The following KIF11 variants were observed in gnomAD, a reference collection of about 807,000 sequenced individuals.
The protein encoded by KIF11 is kinesin-like protein KIF11.
A neutral mutation model predicts 121.0 loss-of-function variants in KIF11; 9 were observed. The observed-to-expected ratio is 0.07, with a 90% CI of 0.04 to 0.13. The LOEUF is 0.13. Among genes scored for constraint, KIF11 ranks in the 10% least tolerant of loss-of-function variants. KIF11 has a pLI of 1.00. For synonymous variants in KIF11, 408 were observed against 421.0 expected (o/e 0.97, Z 0.38); for missense variants, 846 against 1,217.5 (o/e 0.69, Z 4.54).
intron 16 of KIF11, among the ~76,000 whole-genome samples, chr10:92,638,419 A>C (rs55729735): frequency 6.6e-6 from 1 of 152,188 alleles, no homozygotes; most frequent in Admixed American, 6.5e-5. Context: ...TTGGCAACTT[A>C]AAACTGCAGC....
rs199882892 is a variant in KIF11, at chr10:92,645,664, C to A, written c.2547+22C>A. ...GGAGGTAATAACTTTGTAAGTGGAA[C>A]TTACTTTGGGGAGAATAATAATCAG... On this transcript the variant is annotated intron_variant, in intron 18 of 21. Coordinates refer to ENST00000260731, the MANE Select transcript of KIF11 (RefSeq NM_004523.4). 4 of 1,521,460 alleles carry A rather than the reference C, an allele frequency of 2.6e-6. No individual in the cohort carries two copies. The African/African-American group carries it at 5.6e-5, about 21-fold the overall frequency. The allele number at this position is 1,521,460 out of a possible 1,614,324, so 94.2% of individuals were successfully genotyped here.
intron 21 of KIF11, among the ~76,000 whole-genome samples, chr10:92,651,227 T>C (rs1031036800): frequency 4.0e-5 from 6 of 151,612 alleles, no homozygotes; most frequent in Non-Finnish European, 5.9e-5. Flanking sequence ...AGGGTTTCAC[T>C]ATGTGGGCCA....
chr10:92,635,130 C>T (rs1045127875), intron 14 of KIF11, among the ~76,000 whole-genome samples: 12 of 152,028 alleles, frequency 7.9e-5, no homozygotes, highest in African/African-American at 2.9e-4. Context: ...GAGTCTTTGC[C>T]TCCCTTTTTC....
At chr10:92,651,102 C>T (rs1205683064) in intron 21 of KIF11, among the ~76,000 whole-genome samples, 1 of 151,970 alleles carries the variant, frequency 6.6e-6, no homozygotes, top group Non-Finnish European at 1.5e-5. Context: ...TCTTGGCTCA[C>T]TTAACCTCCG....
intron 9 of KIF11, among the ~76,000 whole-genome samples, chr10:92,620,424 A>G (rs986875433): frequency 1.3e-5 from 2 of 152,042 alleles, no homozygotes; most frequent in African/African-American, 2.4e-5. Context: ...TGCTTGATTA[A>G]TTTCCTTTAT....
chr10:92,599,213 A>T (rs936117078), intron 1 of KIF11, among the ~76,000 whole-genome samples: 10 of 151,770 alleles, frequency 6.6e-5, no homozygotes, highest in African/African-American at 2.4e-4. Flanking sequence ...GTTCATTCTT[A>T]GTGTATAAAA....
At chr10:92,611,502 C>T (rs1020974034) in intron 6 of KIF11, among the ~76,000 whole-genome samples, 21 of 152,094 alleles carry the variant, frequency 1.4e-4, no homozygotes, top group South Asian at 4.2e-4. Context: ...GCACCATGCC[C>T]GGTGGAGATG....
intron 10 of KIF11, among the ~76,000 whole-genome samples, chr10:92,624,419 A>G (rs954101172): frequency 1.3e-5 from 2 of 150,154 alleles, no homozygotes; most frequent in African/African-American, 4.9e-5. Context: ...TTAAGTAGAG[A>G]TGGGGTTTCA....
intron 10 of KIF11, among the ~76,000 whole-genome samples, chr10:92,626,347 G>A (rs950555516): frequency 6.6e-6 from 1 of 152,176 alleles, no homozygotes; most frequent in African/African-American, 2.4e-5. Context: ...TGGGATAACT[G>A]CCTATCCATG....
chr10:92,647,284 A>G (rs2135924305), intron 18 of KIF11, among the ~76,000 whole-genome samples: 1 of 152,158 alleles, frequency 6.6e-6, no homozygotes, highest in African/African-American at 2.4e-5. Flanking sequence ...GGGAAAAAAT[A>G]TGAGAAACAA....
intron 1 of KIF11, among the ~76,000 whole-genome samples, chr10:92,602,912 A>G (rs1249960047): frequency 1.3e-5 from 2 of 148,792 alleles, no homozygotes; most frequent in Middle Eastern, 3.2e-3. Flanking sequence ...CTGGGGTGCA[A>G]TGGCGCGATC....
chr10:92,647,125 T>TA (rs1222044654), intron 18 of KIF11, among the ~76,000 whole-genome samples: 1 of 152,198 alleles, frequency 6.6e-6, no homozygotes, highest in Non-Finnish European at 1.5e-5. Flanking sequence ...ATACTCTTGC[T>TA]AAAAAATTAA....
At chr10:92,596,205 A>G (rs1458529332) in intron 1 of KIF11, among the ~76,000 whole-genome samples, 3 of 152,222 alleles carry the variant, frequency 2.0e-5, no homozygotes, top group Admixed American at 6.5e-5. Flanking sequence ...GGGTTTCACC[A>G]TATTAGCCAG....
chr10:92,602,304 G>C (rs1161202554), intron 1 of KIF11, among the ~76,000 whole-genome samples: 1 of 152,160 alleles, frequency 6.6e-6, no homozygotes, highest in South Asian at 2.1e-4. Context: ...TCCTTTGCCA[G>C]ATTTTTTCTG....
chr10:92,596,617 A>T (rs1844299886), intron 1 of KIF11, among the ~76,000 whole-genome samples: 1 of 151,504 alleles, frequency 6.6e-6, no homozygotes, highest in African/African-American at 2.4e-5. Flanking sequence ...TTCCCTAATG[A>T]TTAATGATGT....
intron 10 of KIF11, among the ~76,000 whole-genome samples, chr10:92,622,044 G>A (rs1477240328): frequency 6.6e-6 from 1 of 152,140 alleles, no homozygotes; most frequent in African/African-American, 2.4e-5. Context: ...GGGAGGCCAA[G>A]GCAGGCAGAT....
In KIF11 at chr10:92,645,444, C is replaced by G. The variant is rs1392293397; in HGVS notation, c.2349C>G (p.Leu783=). 1 of 1,613,776 alleles carries G rather than the reference C, an allele frequency of 6.2e-7. No individual in the cohort carries two copies. The highest frequency in any genetic ancestry group is 8.5e-7 in the Non-Finnish European group (1 of 1,179,720). ...CADSDGFSQE[L]RNFNQEGTKL... ...ATTCTGATGGCTTCTCACAGGAACT[C>G]AGAAATTTTAACCAAGAAGGTACAA... The change falls in exon 18 of 22, where the codon CTC becomes CTG. Residue 783 remains leucine (L), a synonymous_variant. Transcript: ENST00000260731.
chr10:92,637,086 A>G, intron 14 of KIF11, 98 bp from the exon 15 acceptor site: 3 of 899,646 alleles, frequency 3.3e-6, no homozygotes, highest in Non-Finnish European at 3.3e-6. Context: ...TTTTAATGTG[A>G]ATGTTTAGCT....
intron 8 of KIF11, among the ~76,000 whole-genome samples, chr10:92,614,450 A>G (rs1325153891): frequency 1.3e-5 from 2 of 152,208 alleles, no homozygotes; most frequent in Non-Finnish European, 2.9e-5. Flanking sequence ...GCATATGAAT[A>G]TATACAGGAG....
Sources: allele counts gnomAD v4.1 joint callset (sites outside exome capture counted in the v4.1 genomes callset), GRCh38; gene constraint gnomAD v4.1.1; transcripts MANE v1.5; gene names NCBI Gene and HGNC (gene_info 2026-07-23, HGNC 2026-07-21).